Variants in CRAMP1 observed in about 807,000 individuals in gnomAD.
CRAMP1 encodes protein cramped-like.
In CRAMP1, 50 loss-of-function variants were observed where a neutral mutation model predicts 115.4. The ratio of observed to expected loss-of-function variants is 0.43; its 90% CI spans 0.35 to 0.55. CRAMP1 has a LOEUF of 0.55. Among genes scored for constraint, CRAMP1 ranks in the 20% least tolerant of loss-of-function variants. CRAMP1 has a pLI of 0.01. For missense variants in CRAMP1, 1,679 were observed against 1,721.7 expected (o/e 0.98, Z 0.44); for synonymous variants, 866 against 745.4 (o/e 1.16, Z -2.64).
intron 2 of CRAMP1, among the ~76,000 whole-genome samples, chr16:1,621,341 T>G (rs983188002): frequency 3.9e-5 from 6 of 152,240 alleles, no homozygotes; most frequent in African/African-American, 1.4e-4. Flanking sequence ...GTGCCCTCAC[T>G]GCACCGTCTG....
Position 1,632,271 on chromosome 16 carries a change from C to G in CRAMP1, c.600C>G (p.Gly200=). 6.3e-7 allele frequency: 1 copy of G among 1,593,106 alleles called. No individual in the cohort carries two copies. The highest frequency in any genetic ancestry group is 8.5e-7 in the Non-Finnish European group (1 of 1,170,738). Residue 200 remains glycine, a synonymous_variant, in exon 4 of 21, where the codon GGC becomes GGG. Transcript: ENST00000397412. ...NNIALKYKKK[G]KPASMVKNKE... is the part of the protein sequence containing the mutation. Reference sequence around the variant, plus strand: ...TTGCGCTGAAGTACAAGAAGAAAGGCAAGCCAGCAAGCATGGTGAAGAACA... The same window carrying G: ...TTGCGCTGAAGTACAAGAAGAAAGGGAAGCCAGCAAGCATGGTGAAGAACA...
chr16:1,666,365 G>C lies in CRAMP1; in HGVS notation c.2858-57G>C. On this transcript the variant is annotated intron_variant, in intron 15 of 20. Transcript: ENST00000397412. This position sits in a 1 kb window ranked among gnomAD's most constrained non-coding sequence, Gnocchi z 5.0. The stretch of plus-strand genomic sequence containing the variant: ...AGAAGCTGTTCCCCGAGCCCTCTTG[G>C]GACATCTTATGGGTTGTCAGTAGAG... The C allele has an allele frequency of 6.5e-7, 1 of 1,533,284 alleles. No individual in the cohort carries two copies. Among genetic ancestry groups the C allele is most frequent in the Non-Finnish European group, 8.9e-7 (1 of 1,124,262 alleles). 95.0% of individuals were successfully genotyped at this position (1,533,284 alleles called of 1,614,324 possible).
intron 2 of CRAMP1, among the ~76,000 whole-genome samples, chr16:1,617,071 G>A (rs565636845): frequency 3.3e-5 from 5 of 151,742 alleles, no homozygotes; most frequent in African/African-American, 1.2e-4. Context: ...TGATCCTCCC[G>A]CCTCAGCCCC....
intron 10 of CRAMP1, 22 bp downstream of exon 10, chr16:1,657,014 C>CTA (rs773188528): frequency 8.8e-6 from 13 of 1,481,666 alleles, no homozygotes. Flanking sequence ...GGAGCCCAGC[C>CTA]CCTCTGGCGG....
At chr16:1,655,528 G>A (rs541638911) in intron 9 of CRAMP1, among the ~76,000 whole-genome samples, 13 of 152,160 alleles carry the variant, frequency 8.5e-5, no homozygotes, top group African/African-American at 2.4e-4. Context: ...AGCCCTCCAC[G>A]ATGTCAGTGG....
rs1434213596 is a variant in CRAMP1, at chr16:1,672,978, GTC to G, written c.3646-899_3646-898del. Among the ~76,000 whole-genome samples, 3 of 152,224 alleles carry G rather than the reference GTC, an allele frequency of 2.0e-5. No individual in the cohort carries two copies. The highest frequency in any genetic ancestry group is 7.2e-5 in the African/African-American group (3 of 41,450). On this transcript the variant is annotated intron_variant, in intron 20 of 20. Coordinates refer to ENST00000397412, the MANE Select transcript of CRAMP1 (RefSeq NM_020825.4). The surrounding 1 kb of genome is among the most constrained non-coding windows in gnomAD (Gnocchi z 4.9). ...GAACGTACTCCCCATGTGTCCTCAT[GTC>G]TCTGACGGGAACGTGCTCCCCACAT...
At chr16:1,650,841 G>T (rs2036716398) in intron 6 of CRAMP1, among the ~76,000 whole-genome samples, 1 of 152,242 alleles carries the variant, frequency 6.6e-6, no homozygotes, top group Admixed American at 6.5e-5. Flanking sequence ...AGATACACAT[G>T]CCCTGAGCAT....
rs528913473 is a variant in CRAMP1 at position 1,668,022 on chromosome 16, A to G, written c.3163A>G (p.Ile1055Val). The G allele has an allele frequency of 5.1e-5, 83 of 1,613,812 alleles. No individual in the cohort carries two copies. The South Asian group carries it at 8.2e-4, about 16-fold the overall frequency. Reference sequence around the variant, plus strand: ...GGCCCCTCTCCAGAATGGCCTCTCCATACCGCTGTCCTCGTCAGAGAGCTC... The same window carrying G: ...GGCCCCTCTCCAGAATGGCCTCTCCGTACCGCTGTCCTCGTCAGAGAGCTC... ...PKAPLQNGLS[I>V]PLSSSESSST... The change falls in exon 18 of 21, where the codon ATA becomes GTA. Residue 1055 changes from isoleucine to valine, a missense_variant. Around this residue, in one of 8 missense-constraint regions of CRAMP1, gnomAD observed 709 missense variants for 741.9 expected, o/e 0.96. Coordinates refer to ENST00000397412, the MANE Select transcript of CRAMP1 (RefSeq NM_020825.4).
intron 4 of CRAMP1, 25 bp downstream of exon 4, chr16:1,632,390 G>A (rs747716228): frequency 1.7e-5 from 26 of 1,565,310 alleles, no homozygotes; most frequent in Admixed American, 3.8e-5. Flanking sequence ...GGCCAGGCTC[G>A]GGGGTGCCCA....
intron 6 of CRAMP1, among the ~76,000 whole-genome samples, chr16:1,642,271 G>A (rs1218499610): frequency 6.6e-6 from 1 of 152,208 alleles, no homozygotes; most frequent in African/African-American, 2.4e-5. Flanking sequence ...TGTGTCTGAT[G>A]ACCTGGGAAC....
rs1476227617 is a variant in CRAMP1 at position 1,614,337 on chromosome 16, C to CGGGGCCG, written c.-1-299_-1-298insGCCGGGG. Among the ~76,000 whole-genome samples the CGGGGCCG allele has an allele frequency of 2.8e-5, 4 of 144,078 alleles. No homozygotes were observed. Among genetic ancestry groups the CGGGGCCG allele is most frequent in the African/African-American group, 7.5e-5 (3 of 40,022 alleles). The allele number at this position is 144,078 out of a possible 152,430, so 94.5% of individuals were successfully genotyped here. A position where few individuals can be genotyped will look rare whatever the true frequency, so the allele number is the denominator to read the frequency against. ...CCGGGGCCGGGGCCGGGGCCGGGGC[C>CGGGGCCG]GGGCAGGGTCCGCCGAGCTGTCGCG... On this transcript the variant is annotated intron_variant, in intron 1 of 20. Coordinates refer to ENST00000397412, the MANE Select transcript of CRAMP1 (RefSeq NM_020825.4). This position sits in a 1 kb window ranked among gnomAD's most constrained non-coding sequence, Gnocchi z 4.4.
At position 1,656,663 on chromosome 16, in the gene CRAMP1, C is replaced by T. The variant is rs1385368417; in HGVS notation, c.1906C>T (p.Pro636Ser). 2 of 1,574,448 alleles carry T rather than the reference C, an allele frequency of 1.3e-6. No homozygotes were observed. The highest frequency in any genetic ancestry group is 1.7e-6 in the Non-Finnish European group (2 of 1,161,224). Residue 636 changes from proline (P) to serine (S), a missense_variant, in exon 10 of 21, where the codon CCT (proline) becomes TCT (serine). Physicochemically the swap from Pro to Ser is moderately conservative, Grantham distance 74. This residue lies in a region of CRAMP1 where 405 missense variants were observed against 302.6 expected (regional missense o/e 1.34). Transcript: ENST00000397412. This position sits in a 1 kb window ranked among gnomAD's most constrained non-coding sequence, Gnocchi z 5.6. ...DVCTKDLADAPAEELQEKGSP... is the reference protein window; with the variant it reads ...DVCTKDLADASAEELQEKGSP... Reference sequence around the variant, plus strand: ...TTGCACTAAAGACTTGGCAGATGCACCTGCGGAGGAGCTCCAGGAGAAGGG... The same window carrying T: ...TTGCACTAAAGACTTGGCAGATGCATCTGCGGAGGAGCTCCAGGAGAAGGG...
chr16:1,652,992 G>T, intron 7 of CRAMP1, 41 bp from the exon 8 acceptor site: 1 of 1,612,298 alleles, frequency 6.2e-7, no homozygotes, highest in South Asian at 1.1e-5. Flanking sequence ...CTACCTTAAG[G>T]TTGGGCTGCA....
rs549067606 is a variant in CRAMP1, at chr16:1,619,215, C to G, written c.346+4230C>G. On this transcript the variant is annotated intron_variant, in intron 2 of 20. Coordinates refer to ENST00000397412, the MANE Select transcript of CRAMP1 (RefSeq NM_020825.4). ...TTTGTTTTTGAGACGGAGTCTCATTCTGTCGCCTGGGCTTGAGTGCAGTGC... is the reference window on the plus strand; with the variant it reads ...TTTGTTTTTGAGACGGAGTCTCATTGTGTCGCCTGGGCTTGAGTGCAGTGC... Among the ~76,000 whole-genome samples, 9 of 152,340 alleles carry G rather than the reference C, an allele frequency of 5.9e-5. No homozygotes were observed. The South Asian group carries it at 1.9e-3, about 32-fold the overall frequency.
chr16:1,630,694 C>G (rs904319531), intron 3 of CRAMP1, among the ~76,000 whole-genome samples: 5 of 152,226 alleles, frequency 3.3e-5, no homozygotes, highest in East Asian at 3.8e-4. Flanking sequence ...CTCTTGTAAC[C>G]TGGGACAGCT....
At chr16:1,613,148 A>G (rs936818638) in intron 1 of CRAMP1, among the ~76,000 whole-genome samples, 5 of 151,990 alleles carry the variant, frequency 3.3e-5, no homozygotes, top group Non-Finnish European at 5.9e-5. Flanking sequence ...TCTTGAGTGG[A>G]AAGAGGTGGG....
At position 1,674,160 on chromosome 16, in the gene CRAMP1, G is replaced by A. The variant is rs2036947278; in HGVS notation, c.*115G>A. On this transcript the variant is annotated 3_prime_UTR_variant, in exon 21 of 21. Coordinates refer to ENST00000397412, the MANE Select transcript of CRAMP1 (RefSeq NM_020825.4). ...ATCTCCGCACCCAAGACTGTGCAACGGGCAGGAACGTGGTCACAGAGCTGC... is the reference window on the plus strand; with the variant it reads ...ATCTCCGCACCCAAGACTGTGCAACAGGCAGGAACGTGGTCACAGAGCTGC... 3.8e-6 allele frequency: 4 copies of A among 1,043,464 alleles called. No individual in the cohort carries two copies. The highest frequency in any genetic ancestry group is 4.1e-6 in the Non-Finnish European group (3 of 734,220). The allele number at this position is 1,043,464 out of a possible 1,614,324, so 64.6% of individuals were successfully genotyped here.
intron 7 of CRAMP1, among the ~76,000 whole-genome samples, chr16:1,652,808 C>G (rs969381747): frequency 1.3e-5 from 2 of 152,216 alleles, no homozygotes; most frequent in Non-Finnish European, 2.9e-5. Flanking sequence ...CGGAGGTTGT[C>G]AGGATCGAGT....
intron 2 of CRAMP1, among the ~76,000 whole-genome samples, chr16:1,618,613 CT>C (rs1433530619): frequency 3.3e-5 from 5 of 152,106 alleles, no homozygotes; most frequent in African/African-American, 1.2e-4. Context: ...GTAATGTAGT[CT>C]GAAGTGACAG....
Sources: allele counts gnomAD v4.1 joint callset (sites outside exome capture counted in the v4.1 genomes callset), GRCh38; gene constraint gnomAD v4.1.1; regional missense constraint gnomAD v4.1.1; non-coding constraint Gnocchi (gnomAD v3.1); transcripts MANE v1.5; gene names NCBI Gene and HGNC (gene_info 2026-07-23, HGNC 2026-07-21).